CLSTN2: variants seen among roughly 807,000 people sequenced by gnomAD.
The protein encoded by CLSTN2 is calsyntenin-2.
Under a neutral mutation model 101.2 loss-of-function variants are expected in CLSTN2, and 48 were observed. The observed-to-expected ratio is 0.47, with a 90% CI of 0.38 to 0.60. The LOEUF is 0.60. Ranked by LOEUF, CLSTN2 falls within the 20% of genes least tolerant of loss-of-function variation. CLSTN2 has a pLI of 0.00. For missense variants in CLSTN2, 1,160 were observed against 1,238.2 expected (o/e 0.94, Z 0.95); for synonymous variants, 481 against 463.6 (o/e 1.04, Z -0.48).
intron 1 of CLSTN2, among the ~76,000 whole-genome samples, chr3:140,068,280 C>G (rs1388859288): frequency 3.3e-5 from 5 of 152,216 alleles, no homozygotes; most frequent in Admixed American, 2.0e-4. Context: ...CATTTATAAG[C>G]TCCACAAATC....
chr3:140,292,929 G>T (rs900774116), intron 2 of CLSTN2, among the ~76,000 whole-genome samples: 11 of 152,220 alleles, frequency 7.2e-5, no homozygotes, highest in Non-Finnish European at 1.0e-4. Flanking sequence ...CTGGTTGGTG[G>T]TTTGCCTGGA....
Position 140,556,505 on chromosome 3 carries a change from T to C in CLSTN2, c.1675-8T>C. 2 of 1,613,966 alleles carry C rather than the reference T, an allele frequency of 1.2e-6. No individual in the cohort carries two copies. Among genetic ancestry groups the C allele is most frequent in the Non-Finnish European group, 1.7e-6 (2 of 1,179,874 alleles). Reference sequence around the variant, plus strand: ...TTCTCTTCCATGATGCTCACTTTTGTCTTCCAGTATCACTTCAACCCCTCG... The same window carrying C: ...TTCTCTTCCATGATGCTCACTTTTGCCTTCCAGTATCACTTCAACCCCTCG... On this transcript the variant is annotated splice_polypyrimidine_tract_variant and splice_region_variant and intron_variant, in intron 10 of 16. Coordinates refer to ENST00000458420, the MANE Select transcript of CLSTN2 (RefSeq NM_022131.3).
intron 1 of CLSTN2, among the ~76,000 whole-genome samples, chr3:140,061,336 A>G (rs763369089): frequency 6.6e-6 from 1 of 152,224 alleles, no homozygotes; most frequent in Non-Finnish European, 1.5e-5. Flanking sequence ...ATGCTCTATA[A>G]CACTGTGTAA....
intron 2 of CLSTN2, among the ~76,000 whole-genome samples, chr3:140,386,351 T>A (rs535064826): frequency 7.2e-5 from 11 of 152,140 alleles, no homozygotes; most frequent in Non-Finnish European, 1.6e-4. Context: ...AATGCCAGGG[T>A]CCAGTGTTAG....
rs1553741911 is a variant in CLSTN2, at chr3:140,419,027, C to CT, written c.638-2091dup. Among the ~76,000 whole-genome samples the CT allele has an allele frequency of 6.6e-3, 985 of 148,470 alleles. 6 individuals are homozygous for CT. The highest frequency in any genetic ancestry group is 0.01 in the Non-Finnish European group (686 of 67,786). ...CACTAATATTGTGTAATTGGTGGAC[C>CT]TTTTTTTAAAAAAAAAATCTTTCAA... On this transcript the variant is annotated intron_variant, in intron 4 of 16. Transcript: ENST00000458420.
At chr3:140,451,670 C>T (rs1168789515) in intron 6 of CLSTN2, among the ~76,000 whole-genome samples, 1 of 152,150 alleles carries the variant, frequency 6.6e-6, no homozygotes, top group Non-Finnish European at 1.5e-5. Context: ...CAGGTTCTCT[C>T]CAACTATAAG....
intron 1 of CLSTN2, among the ~76,000 whole-genome samples, chr3:140,051,859 G>T (rs1391385630): frequency 6.6e-6 from 1 of 152,212 alleles, no homozygotes; most frequent in Non-Finnish European, 1.5e-5. Context: ...ACCTGGAGGG[G>T]CTGGCAAAAC....
At chr3:140,366,065 G>C (rs2087784902) in intron 2 of CLSTN2, among the ~76,000 whole-genome samples, 1 of 152,196 alleles carries the variant, frequency 6.6e-6, no homozygotes, top group African/African-American at 2.4e-5. Flanking sequence ...GACACAGGAG[G>C]GGAACAAGCC....
intron 1 of CLSTN2, among the ~76,000 whole-genome samples, chr3:139,941,479 G>A (rs978269049): frequency 6.6e-6 from 1 of 152,158 alleles, no homozygotes; most frequent in Non-Finnish European, 1.5e-5. Context: ...AATTATCAAA[G>A]AGTTCACACT....
At chr3:140,408,250 C>G (rs1039196468) in intron 4 of CLSTN2, among the ~76,000 whole-genome samples, 1 of 152,168 alleles carries the variant, frequency 6.6e-6, no homozygotes, top group Non-Finnish European at 1.5e-5. Context: ...ACAGGATGAA[C>G]AATCAGTTTC....
At chr3:140,046,728 G>A (rs6765712) in intron 1 of CLSTN2, among the ~76,000 whole-genome samples, 1,924 of 152,216 alleles carry the variant, frequency 0.013, 48 homozygotes, top group African/African-American at 0.042. Flanking sequence ...AAATCTCTCA[G>A]CATTTGCTTG....
chr3:140,293,269 G>A (rs369801768), intron 2 of CLSTN2, among the ~76,000 whole-genome samples: 4 of 152,258 alleles, frequency 2.6e-5, no homozygotes, highest in South Asian at 4.2e-4. Flanking sequence ...GAGGAGAGGA[G>A]AGCACTCAGT....
At chr3:140,041,939 T>G (rs1378180978) in intron 1 of CLSTN2, among the ~76,000 whole-genome samples, 3 of 152,220 alleles carry the variant, frequency 2.0e-5, no homozygotes, top group African/African-American at 7.2e-5. Flanking sequence ...TTCTGCTCCA[T>G]CTACATGCCA....
chr3:140,480,018 T>A (rs1934079091), intron 8 of CLSTN2, among the ~76,000 whole-genome samples: 1 of 152,102 alleles, frequency 6.6e-6, no homozygotes, highest in African/African-American at 2.4e-5. Flanking sequence ...TTGTTACATA[T>A]GTATACATGT....
intron 2 of CLSTN2, among the ~76,000 whole-genome samples, chr3:140,308,677 C>G (rs2087136685): frequency 6.6e-6 from 1 of 152,206 alleles, no homozygotes; most frequent in African/African-American, 2.4e-5. Context: ...CAGCTGGAGT[C>G]TGGATGTTGA....
intron 2 of CLSTN2, among the ~76,000 whole-genome samples, chr3:140,366,692 T>C (rs1268826009): frequency 1.3e-5 from 2 of 152,212 alleles, no homozygotes; most frequent in East Asian, 3.9e-4. Flanking sequence ...TCCAAGCAAG[T>C]GCCCACAAAA....
intron 2 of CLSTN2, among the ~76,000 whole-genome samples, chr3:140,241,140 A>C (rs1014647413): frequency 6.6e-6 from 1 of 152,180 alleles, no homozygotes; most frequent in Admixed American, 6.5e-5. Context: ...AGAAAACAAG[A>C]AAAGAATACT....
At chr3:140,370,242 C>T (rs575475477) in intron 2 of CLSTN2, among the ~76,000 whole-genome samples, 4 of 152,332 alleles carry the variant, frequency 2.6e-5, no homozygotes, top group African/African-American at 7.2e-5. Flanking sequence ...AAAGCACCCC[C>T]CATGCCCACG....
At chr3:140,417,560 A>G (rs2088445182) in intron 4 of CLSTN2, among the ~76,000 whole-genome samples, 1 of 152,162 alleles carries the variant, frequency 6.6e-6, no homozygotes, top group Non-Finnish European at 1.5e-5. Context: ...AAAAAAAAAT[A>G]CCTAAACTAA....
Sources: allele counts gnomAD v4.1 joint callset (sites outside exome capture counted in the v4.1 genomes callset), GRCh38; gene constraint gnomAD v4.1.1; transcripts MANE v1.5; gene names NCBI Gene and HGNC (gene_info 2026-07-23, HGNC 2026-07-21).